GLRA1: variants seen among roughly 807,000 people sequenced by gnomAD.
GLRA1 encodes glycine receptor alpha 1.
In GLRA1, 37 loss-of-function variants were observed where a neutral mutation model predicts 48.3. The observed-to-expected ratio is 0.77, with a 90% CI of 0.59 to 1.01. The LOEUF (loss-of-function observed/expected upper bound fraction) is 1.01. Ranked by LOEUF, GLRA1 falls within the 50% of genes least tolerant of loss-of-function variation. GLRA1 has a pLI of 0.00. For synonymous variants in GLRA1, 196 were observed against 210.7 expected (o/e 0.93, Z 0.60); for missense variants, 427 against 571.0 (o/e 0.75, Z 2.57).
At chr5:151,899,902 G>A (rs1191168820) in intron 1 of GLRA1, among the ~76,000 whole-genome samples, 1 of 152,036 alleles carries the variant, frequency 6.6e-6, no homozygotes, top group Non-Finnish European at 1.5e-5. Context: ...TATAGGGAAC[G>A]CTTATCTGAA....
chr5:151,907,050 T>C (rs1754488436), intron 1 of GLRA1, among the ~76,000 whole-genome samples: 1 of 152,266 alleles, frequency 6.6e-6, no homozygotes, highest in Non-Finnish European at 1.5e-5. Context: ...CTCAGTAGCA[T>C]GCTGTAAGGA....
At chr5:151,857,630 C>T (rs1017981186) in intron 4 of GLRA1, among the ~76,000 whole-genome samples, 10 of 152,302 alleles carry the variant, frequency 6.6e-5, no homozygotes, top group African/African-American at 2.4e-4. Flanking sequence ...TAGGCTCATG[C>T]TGGGGTCGAC....
intron 7 of GLRA1, among the ~76,000 whole-genome samples, chr5:151,836,879 C>T (rs568287562): frequency 1.6e-4 from 24 of 152,136 alleles, no homozygotes; most frequent in Admixed American, 9.8e-4. Context: ...GACATAGGCC[C>T]AAACAAAGCC....
At chr5:151,891,600 A>G (rs893437527) in intron 2 of GLRA1, among the ~76,000 whole-genome samples, 5 of 152,206 alleles carry the variant, frequency 3.3e-5, no homozygotes, top group African/African-American at 1.2e-4. Flanking sequence ...CTATTTCTTC[A>G]TAGTCTCTAC....
chr5:151,864,046 G>T (rs536508699), intron 3 of GLRA1, among the ~76,000 whole-genome samples: 1 of 152,266 alleles, frequency 6.6e-6, no homozygotes, highest in Admixed American at 6.5e-5. Flanking sequence ...CCTGTTGATG[G>T]TAATGGATAA....
intron 7 of GLRA1, among the ~76,000 whole-genome samples, chr5:151,834,193 C>T (rs968451888): frequency 5.9e-5 from 9 of 152,200 alleles, no homozygotes; most frequent in African/African-American, 2.2e-4. Context: ...CAACACATCA[C>T]ACTTATTCTA....
intron 8 of GLRA1, among the ~76,000 whole-genome samples, chr5:151,824,373 T>G (rs1214821971): frequency 6.6e-6 from 1 of 151,926 alleles, no homozygotes; most frequent in Non-Finnish European, 1.5e-5. Context: ...TTGGTCATCT[T>G]TTGCTTAGAA....
At chr5:151,908,412 C>T (rs781376196) in intron 1 of GLRA1, among the ~76,000 whole-genome samples, 1 of 152,152 alleles carries the variant, frequency 6.6e-6, no homozygotes. Context: ...TTTTTCCCTT[C>T]TGGTTTCTCT....
intron 1 of GLRA1, among the ~76,000 whole-genome samples, chr5:151,923,694 G>A (rs537282980): frequency 6.6e-6 from 1 of 152,302 alleles, no homozygotes; most frequent in South Asian, 2.1e-4. Flanking sequence ...GAGAGACAGT[G>A]GATGGGATAA....
In GLRA1 at chr5:151,882,930, A is replaced by G. The variant is rs183938515; in HGVS notation, c.252+3791T>C. Among the ~76,000 whole-genome samples the G allele has an allele frequency of 2.3e-4, 35 of 152,278 alleles. No individual in the cohort carries two copies. In the East Asian group the frequency reaches 6.6e-3, roughly 29 times the overall value. On this transcript the variant is annotated intron_variant, in intron 3 of 8. Coordinates refer to ENST00000274576, the MANE Select transcript of GLRA1 (RefSeq NM_000171.4). ...GTTTATCAAATAATGTTGTTTTGTT[A>G]TAATGTTGATGAGAAATAAAATTGG...
chr5:151,832,539 A>G (rs977798789), intron 7 of GLRA1, among the ~76,000 whole-genome samples: 1 of 152,248 alleles, frequency 6.6e-6, no homozygotes, highest in East Asian at 1.9e-4. Context: ...CAAGCGGAAT[A>G]AAGGATATCA....
intron 7 of GLRA1, among the ~76,000 whole-genome samples, chr5:151,834,705 A>G (rs940619122): frequency 2.0e-5 from 3 of 152,172 alleles, no homozygotes; most frequent in East Asian, 3.9e-4. Context: ...TTGAAGATTA[A>G]TAAAATATAT....
intron 3 of GLRA1, among the ~76,000 whole-genome samples, chr5:151,873,341 A>T (rs2113382171): frequency 6.7e-6 from 1 of 149,494 alleles, no homozygotes; most frequent in Non-Finnish European, 1.5e-5. Flanking sequence ...CCATTTAAGA[A>T]ATTTGTTTAT....
intron 1 of GLRA1, among the ~76,000 whole-genome samples, chr5:151,907,361 G>A (rs1360221758): frequency 6.6e-6 from 1 of 152,126 alleles, no homozygotes; most frequent in Non-Finnish European, 1.5e-5. Flanking sequence ...GACTTGGAGA[G>A]GTCACCTCCT....
At chr5:151,914,968 T>C (rs140495437) in intron 1 of GLRA1, among the ~76,000 whole-genome samples, 1 of 152,320 alleles carries the variant, frequency 6.6e-6, no homozygotes, top group East Asian at 1.9e-4. Context: ...CTTAGAGTAA[T>C]AGTGGCAGGG....
intron 7 of GLRA1, among the ~76,000 whole-genome samples, chr5:151,833,849 G>C (rs1581601129): frequency 8.1e-6 from 1 of 123,070 alleles, no homozygotes; most frequent in South Asian, 2.8e-4. Context: ...TGATAAAACA[G>C]ACTTTAAACC....
intron 1 of GLRA1, among the ~76,000 whole-genome samples, chr5:151,919,266 G>T (rs573716424): frequency 1.2e-4 from 18 of 151,104 alleles, no homozygotes; most frequent in African/African-American, 4.1e-4. Flanking sequence ...AATTTTTTTT[G>T]AAAAAACAAA....
intron 1 of GLRA1, among the ~76,000 whole-genome samples, chr5:151,904,810 A>G (rs996170613): frequency 2.0e-5 from 3 of 152,168 alleles, no homozygotes; most frequent in Non-Finnish European, 4.4e-5. Context: ...TGTTCAATAC[A>G]ATTTTTATTG....
intron 1 of GLRA1, among the ~76,000 whole-genome samples, chr5:151,907,232 T>G (rs780083233): frequency 8.5e-5 from 13 of 152,230 alleles, no homozygotes; most frequent in Non-Finnish European, 1.9e-4. Flanking sequence ...GAAGCTGGTA[T>G]ACAGAAGTTG....
Sources: allele counts gnomAD v4.1 joint callset (sites outside exome capture counted in the v4.1 genomes callset), GRCh38; gene constraint gnomAD v4.1.1; transcripts MANE v1.5; gene names NCBI Gene and HGNC (gene_info 2026-07-23, HGNC 2026-07-21).